Variants in BLVRA observed in about 807,000 individuals in gnomAD.
BLVRA encodes biliverdin reductase A.
In BLVRA, 22 loss-of-function variants were observed where a neutral mutation model predicts 32.8. The observed-to-expected ratio is 0.67, with a 90% CI of 0.48 to 0.96. BLVRA has a LOEUF of 0.96. Among genes scored for constraint, BLVRA ranks in the 40% least tolerant of loss-of-function variants. The pLI, the probability that BLVRA is intolerant of heterozygous loss-of-function variation, is 0.00. For synonymous variants in BLVRA, 119 were observed against 141.3 expected, an observed-to-expected ratio of 0.84 and a Z score of 1.12; for missense variants, 323 against 358.1, an observed-to-expected ratio of 0.90 and a Z score of 0.79.
At chr7:43,790,298 T>C (rs1353590940) in intron 3 of BLVRA, among the ~76,000 whole-genome samples, 1 of 152,120 alleles carries the variant, frequency 6.6e-6, no homozygotes, top group Non-Finnish European at 1.5e-5. Flanking sequence ...AGGCCTTGGG[T>C]TCCCCTCCTG....
chr7:43,800,685 T>C (rs1489441626), intron 6 of BLVRA, 113 bp downstream of exon 6: 3 of 939,628 alleles, frequency 3.2e-6, no homozygotes, highest in Non-Finnish European at 5.0e-6. Context: ...ACTCTCTGAC[T>C]CAGGGCCACT....
intron 3 of BLVRA, among the ~76,000 whole-genome samples, chr7:43,789,908 C>T (rs1441925614): frequency 1.4e-5 from 2 of 141,256 alleles, no homozygotes; most frequent in Non-Finnish European, 3.2e-5. Flanking sequence ...TGTGTGTCTT[C>T]CTCTAGCTGA....
At chr7:43,795,138 G>A (rs2095790367) in intron 5 of BLVRA, among the ~76,000 whole-genome samples, 1 of 152,348 alleles carries the variant, frequency 6.6e-6, no homozygotes, top group African/African-American at 2.4e-5. Context: ...TTGAACCCAG[G>A]AGGTGGAGGT....
intron 5 of BLVRA, among the ~76,000 whole-genome samples, chr7:43,796,870 A>C (rs889398216): frequency 2.0e-5 from 3 of 152,166 alleles, no homozygotes; most frequent in Non-Finnish European, 4.4e-5. Context: ...AAACCAAATA[A>C]ACTGATTTTA....
intron 6 of BLVRA, 52 bp downstream of exon 6, chr7:43,800,624 G>T: frequency 6.6e-7 from 1 of 1,505,138 alleles, no homozygotes; most frequent in East Asian, 2.3e-5. Flanking sequence ...AGACCAGCCA[G>T]ATTCTTTCCT....
At chr7:43,796,133 A>AAAAAAAAG (rs1554584739) in intron 5 of BLVRA, among the ~76,000 whole-genome samples, 90 of 151,370 alleles carry the variant, frequency 5.9e-4, no homozygotes, top group African/African-American at 2.1e-3. Flanking sequence ...AAAAAAAAAA[A>AAAAAAAAG]AAAAGAAAAG....
intron 5 of BLVRA, among the ~76,000 whole-genome samples, chr7:43,798,166 C>T (rs985127216): frequency 3.9e-5 from 5 of 127,074 alleles, no homozygotes; most frequent in African/African-American, 1.5e-4. Context: ...TATACTCCAG[C>T]CTGGGTGACA....
intron 1 of BLVRA, chr7:43,767,263 G>A (rs1358551627): frequency 9.3e-5 from 81 of 871,078 alleles, no homozygotes; most frequent in Non-Finnish European, 1.3e-4. Context: ...GCCTGCCACC[G>A]AGCACCTGTG....
At chr7:43,806,252 C>T (rs1447566816) in intron 7 of BLVRA, among the ~76,000 whole-genome samples, 1 of 152,100 alleles carries the variant, frequency 6.6e-6, no homozygotes, top group African/African-American at 2.4e-5. Context: ...GCAGAGGTTG[C>T]AGTGAGCCGA....
At chr7:43,804,837 G>T (rs1298477966) in intron 7 of BLVRA, among the ~76,000 whole-genome samples, 1 of 152,206 alleles carries the variant, frequency 6.6e-6, no homozygotes, top group African/African-American at 2.4e-5. Flanking sequence ...TTGCAGAGAG[G>T]TGGGTCTCCT....
chr7:43,806,509 A>T (rs2095804171), intron 7 of BLVRA, among the ~76,000 whole-genome samples: 2 of 152,220 alleles, frequency 1.3e-5, no homozygotes, highest in South Asian at 4.1e-4. Flanking sequence ...TGGGAGGCCA[A>T]GGCAGGTGGG....
chr7:43,789,197 G>C (rs2095782327), intron 3 of BLVRA, among the ~76,000 whole-genome samples: 1 of 152,196 alleles, frequency 6.6e-6, no homozygotes, highest in African/African-American at 2.4e-5. Flanking sequence ...TGGGCCTGAA[G>C]ACATGGTAGT....
intron 2 of BLVRA, among the ~76,000 whole-genome samples, chr7:43,783,345 T>C (rs2095772485): frequency 6.6e-6 from 1 of 152,212 alleles, no homozygotes; most frequent in South Asian, 2.1e-4. Context: ...ATAGACAGTA[T>C]CTTTTTCCTT....
In BLVRA at chr7:43,798,197, C is replaced by CCAA. The variant is rs1377160080; in HGVS notation, c.353-2268_353-2267insCAA. On this transcript the variant is annotated intron_variant, in intron 5 of 7. Coordinates refer to ENST00000265523, the MANE Select transcript of BLVRA (RefSeq NM_000712.4). Reference sequence around the variant, plus strand: ...TGACAGAGGGAGACTCCCCATCTCACAAAAAAAAAAAAAAAAAAAAAAAAA... The same window carrying CCAA: ...TGACAGAGGGAGACTCCCCATCTCACCAAAAAAAAAAAAAAAAAAAAAAAAAAA... Among the ~76,000 whole-genome samples, 14 of 45,198 alleles carry CCAA rather than the reference C, an allele frequency of 3.1e-4. No homozygotes were observed. The East Asian group carries it at 9.9e-3, about 32-fold the overall frequency. The allele number at this position is 45,198 out of a possible 152,430, so 29.7% of individuals were successfully genotyped here.
chr7:43,774,823 G>C (rs191628366), intron 2 of BLVRA, among the ~76,000 whole-genome samples: 1 of 152,114 alleles, frequency 6.6e-6, no homozygotes, highest in East Asian at 1.9e-4. Context: ...ATTGAGCAGT[G>C]GTTTGTAGTT....
rs201589927 is a variant in BLVRA, at chr7:43,802,142, C to CA, written c.461-1531dup. Among the ~76,000 whole-genome samples, 991 of 152,056 alleles carry CA rather than the reference C, an allele frequency of 6.5e-3. 5 individuals carry two copies. The highest frequency in any genetic ancestry group is 0.022 in the African/African-American group (918 of 41,518). ...TGACAACGAGACTCTGTCTCAAAAACAAACAAACAAACAAACAAAAAAGAA... is the reference window on the plus strand; with the variant it reads ...TGACAACGAGACTCTGTCTCAAAAACAAAACAAACAAACAAACAAAAAAGAA... On this transcript the variant is annotated intron_variant, in intron 6 of 7. Coordinates refer to ENST00000265523, the MANE Select transcript of BLVRA (RefSeq NM_000712.4).
chr7:43,804,302 G>A (rs1465921836), intron 7 of BLVRA, among the ~76,000 whole-genome samples: 1 of 152,184 alleles, frequency 6.6e-6, no homozygotes, highest in African/African-American at 2.4e-5. Context: ...ATTAGCCGGT[G>A]TGGCGGTGCA....
At chr7:43,786,258 A>G (rs1284128564) in intron 2 of BLVRA, among the ~76,000 whole-genome samples, 11 of 152,216 alleles carry the variant, frequency 7.2e-5, no homozygotes, top group African/African-American at 2.7e-4. Flanking sequence ...AGACAAAATA[A>G]ATTATAGGGC....
intron 1 of BLVRA, among the ~76,000 whole-genome samples, chr7:43,762,579 T>A (rs2132541178): frequency 6.6e-6 from 1 of 151,352 alleles, no homozygotes; most frequent in South Asian, 2.1e-4. Context: ...AGCAATAATT[T>A]AGTGATTTCC....
Sources: gnomAD v4.1 joint callset for allele counts (sites outside exome capture counted in the v4.1 genomes callset) on GRCh38, gnomAD v4.1.1 for gene constraint, MANE v1.5 for transcripts, NCBI Gene and HGNC (gene_info 2026-07-23, HGNC 2026-07-21) for gene names.